TRPM6: variants seen among roughly 807,000 people sequenced by gnomAD.
The protein encoded by TRPM6 is channel kinase 2.
A neutral mutation model predicts 247.6 loss-of-function variants in TRPM6; 111 were observed. That is an observed-to-expected ratio of 0.45 (90% CI 0.38 to 0.52). TRPM6 has a LOEUF of 0.52. Among genes scored for constraint, TRPM6 ranks in the 20% least tolerant of loss-of-function variants. The pLI, the probability that TRPM6 is intolerant of heterozygous loss-of-function variation, is 0.00. For missense variants in TRPM6, 2,126 were observed against 2,421.5 expected (o/e 0.88, Z 2.56); for synonymous variants, 892 against 853.8 (o/e 1.04, Z -0.78).
chr9:74,864,810 T>C (rs1830792453), intron 1 of TRPM6, among the ~76,000 whole-genome samples: 1 of 152,146 alleles, frequency 6.6e-6, no homozygotes, highest in Non-Finnish European at 1.5e-5. Context: ...CAGTGGCTCA[T>C]GCCTGAATCC....
At chr9:74,748,427 C>G (rs1040486836) in intron 30 of TRPM6, among the ~76,000 whole-genome samples, 4 of 152,062 alleles carry the variant, frequency 2.6e-5, no homozygotes, top group African/African-American at 9.7e-5. Context: ...CAGGAGGTAT[C>G]CAGAAGAAGG....
At chr9:74,810,384 C>T (rs1828688422) in intron 13 of TRPM6, among the ~76,000 whole-genome samples, 1 of 152,140 alleles carries the variant, frequency 6.6e-6, no homozygotes, top group African/African-American at 2.4e-5. Flanking sequence ...TGCAGACTCA[C>T]AAAAGCAGCA....
At chr9:74,735,783 T>C (rs1825676816) in intron 36 of TRPM6, among the ~76,000 whole-genome samples, 1 of 152,150 alleles carries the variant, frequency 6.6e-6, no homozygotes, top group South Asian at 2.1e-4. Flanking sequence ...TTACAAGTGA[T>C]TGGAAATTGG....
At chr9:74,828,405 A>G (rs1304882388) in intron 6 of TRPM6, among the ~76,000 whole-genome samples, 1 of 152,168 alleles carries the variant, frequency 6.6e-6, no homozygotes, top group Non-Finnish European at 1.5e-5. Context: ...TTCTCAAACT[A>G]TCTGTGGTAT....
chr9:74,821,682 G>A lies in TRPM6; in HGVS notation c.997C>T (p.Leu333=). ...CCAACAACTCACCCTTCATCTGCCA[G>A]GTGTTTGTGTGTGAAGGCCAGGAGG... ...ADLLAFTHKH[L]ADEGMLRPQV... is the part of the protein sequence containing the mutation. Residue 333 remains leucine (L), a synonymous_variant, in exon 8 of 39, where the codon CTG becomes TTG. Coordinates refer to ENST00000360774, the MANE Select transcript of TRPM6 (RefSeq NM_017662.5). The A allele has an allele frequency of 6.2e-7, 1 of 1,614,146 alleles. No individual in the cohort carries two copies. The highest frequency in any genetic ancestry group is 8.5e-7 in the Non-Finnish European group (1 of 1,180,032).
intron 16 of TRPM6, among the ~76,000 whole-genome samples, chr9:74,801,099 C>T (rs1713309726): frequency 6.6e-6 from 1 of 151,748 alleles, no homozygotes; most frequent in Non-Finnish European, 1.5e-5. Context: ...CATTGTCATG[C>T]TCTGGAATTT....
intron 35 of TRPM6, among the ~76,000 whole-genome samples, chr9:74,739,076 C>T (rs1030052111): frequency 3.3e-5 from 5 of 152,112 alleles, no homozygotes; most frequent in Admixed American, 1.3e-4. Context: ...CCATAATGCC[C>T]CTGGACATTA....
At chr9:74,738,750 T>TA in intron 35 of TRPM6, 138 bp from the exon 36 acceptor site, 2 of 780,620 alleles carry the variant, frequency 2.6e-6, no homozygotes, top group Non-Finnish European at 4.4e-6. Flanking sequence ...GCCCTTTCTA[T>TA]GGAAGGGATA....
At chr9:74,845,798 GC>G (rs1389034767) in intron 3 of TRPM6, among the ~76,000 whole-genome samples, 1 of 152,192 alleles carries the variant, frequency 6.6e-6, no homozygotes, top group Non-Finnish European at 1.5e-5. Flanking sequence ...CTGCACTCCA[GC>G]CTGGGCAACA....
chr9:74,828,995 CAAAAT>C (rs1475617770), intron 6 of TRPM6, among the ~76,000 whole-genome samples: 1 of 151,990 alleles, frequency 6.6e-6, no homozygotes, highest in Non-Finnish European at 1.5e-5. Context: ...GTATTTCAAA[CAAAAT>C]AAAGAGTAAC....
Position 74,820,307 on chromosome 9 carries a change from A to C in TRPM6, c.1131T>G (p.Asp377Glu), listed in dbSNP as rs1284598249. ...QILMECMVHR[D>E]CITIFDADSE... Reference sequence around the variant, plus strand: ...ATCATCAACTCGTCATACTCACACAATCCCTGTGAACCATACACTCCATTA... The same window carrying C: ...ATCATCAACTCGTCATACTCACACACTCCCTGTGAACCATACACTCCATTA... The change falls in exon 9 of 39, where the codon GAT (aspartate) becomes GAG (glutamate). Residue 377 changes from aspartate (D) to glutamate (E), a missense_variant. Asp to Glu is a conservative substitution (Grantham distance 45). Around this residue, in one of 3 missense-constraint regions of TRPM6, gnomAD observed 1,082 missense variants for 1,307.9 expected, o/e 0.83. Coordinates refer to ENST00000360774, the MANE Select transcript of TRPM6 (RefSeq NM_017662.5). 1 of 1,613,866 alleles carries C rather than the reference A, an allele frequency of 6.2e-7. No individual in the cohort carries two copies. Among genetic ancestry groups the C allele is most frequent in the Admixed American group, 1.7e-5 (1 of 59,972 alleles).
chr9:74,792,651 A>G lies in TRPM6; in HGVS notation c.2511T>C (p.Ala837=), dbSNP rs774082705. 1.9e-5 allele frequency: 30 copies of G among 1,614,030 alleles called. No homozygotes were observed. Among genetic ancestry groups the G allele is most frequent in the Non-Finnish European group, 2.5e-5 (30 of 1,180,016 alleles). Residue 837 remains alanine, a synonymous_variant, in exon 19 of 39, where the codon GCT becomes GCC. Coordinates refer to ENST00000360774, the MANE Select transcript of TRPM6 (RefSeq NM_017662.5). The stretch of plus-strand genomic sequence containing the variant: ...TATAAAACCAAAACTTGACAATTGG[A>G]GCACTGTAGAACTCATAGACTTTCC... ...WTRKVYEFYS[A]PIVKFWFYTM...
Position 74,739,438 on chromosome 9 carries a change from T to C in TRPM6, c.5499A>G (p.Gln1833=). Residue 1833 remains glutamine (Q), a synonymous_variant, in exon 35 of 39, where the codon CAA becomes CAG. Coordinates refer to ENST00000360774, the MANE Select transcript of TRPM6 (RefSeq NM_017662.5). Reference sequence around the variant, plus strand: ...AGATCAATTTTTGAGCAGCTCTTTGTTGTTGAATTTCCTACAAAATAGGGA... The same window carrying C: ...AGATCAATTTTTGAGCAGCTCTTTGCTGTTGAATTTCCTACAAAATAGGGA... The part of the protein sequence containing the change: ...VLHLCLREIQ[Q]QRAAQKLIYT... 6.2e-7 allele frequency: 1 copy of C among 1,614,134 alleles called. No homozygotes were observed. Among genetic ancestry groups the C allele is most frequent in the Non-Finnish European group, 8.5e-7 (1 of 1,179,986 alleles).
intron 20 of TRPM6, among the ~76,000 whole-genome samples, chr9:74,788,225 A>C (rs1231038708): frequency 6.6e-6 from 1 of 152,204 alleles, no homozygotes; most frequent in African/African-American, 2.4e-5. Context: ...GATAATATGA[A>C]AATAATGCTA....
intron 5 of TRPM6, among the ~76,000 whole-genome samples, chr9:74,839,365 ATT>A (rs1373000907): frequency 3.9e-5 from 6 of 152,158 alleles, no homozygotes; most frequent in African/African-American, 1.4e-4. Flanking sequence ...CAATTCTGGA[ATT>A]TCAGATTTTA....
In TRPM6 at chr9:74,820,349, C is replaced by T. The variant is rs182074850; in HGVS notation, c.1089G>A (p.Lys363=). The T allele has an allele frequency of 1.2e-6, 2 of 1,614,084 alleles. No individual in the cohort carries two copies. Among genetic ancestry groups the T allele is most frequent in the African/African-American group, 2.7e-5 (2 of 75,026 alleles). ...ACTCCATTAGAATTTGGAAAAGGTG[C>T]TTGGACTGTTTAAGACTAAAGTTGA... ...NTFNFSLKQS[K]HLFQILMECM... Residue 363 remains lysine (K), a synonymous_variant, in exon 9 of 39, where the codon AAG becomes AAA. Coordinates refer to ENST00000360774, the MANE Select transcript of TRPM6 (RefSeq NM_017662.5).
intron 16 of TRPM6, 32 bp downstream of exon 16, chr9:74,801,866 T>C: frequency 6.2e-7 from 1 of 1,612,060 alleles, no homozygotes; most frequent in Non-Finnish European, 8.5e-7. Context: ...GAAGTGTTGA[T>C]GTTTAGTATG....
At chr9:74,755,496 G>A (rs1448706389) in intron 27 of TRPM6, 23 bp from the exon 28 acceptor site, 2 of 1,613,582 alleles carry the variant, frequency 1.2e-6, no homozygotes, top group Non-Finnish European at 1.7e-6. Flanking sequence ...ACACTTGTTG[G>A]AACACAGTGA....
intron 7 of TRPM6, among the ~76,000 whole-genome samples, chr9:74,825,243 C>T (rs1829290884): frequency 6.6e-6 from 1 of 152,102 alleles, no homozygotes; most frequent in Non-Finnish European, 1.5e-5. Flanking sequence ...GCCTGGGTGA[C>T]AAAGTGAGAC....
Sources: allele counts gnomAD v4.1 joint callset (sites outside exome capture counted in the v4.1 genomes callset), GRCh38; gene constraint gnomAD v4.1.1; regional missense constraint gnomAD v4.1.1; transcripts MANE v1.5; gene names NCBI Gene and HGNC (gene_info 2026-07-23, HGNC 2026-07-21).